The following ITGAE variants were observed in gnomAD, a reference collection of about 807,000 sequenced individuals.
The protein encoded by ITGAE is integrin subunit alpha E.
ITGAE carries 99 observed loss-of-function variants against 136.5 expected under a neutral mutation model. The ratio of observed to expected loss-of-function variants is 0.73; its 90% CI spans 0.62 to 0.86. The LOEUF (loss-of-function observed/expected upper bound fraction) is 0.86. Ranked by LOEUF, ITGAE falls within the 40% of genes least tolerant of loss-of-function variation. The pLI is 0.00. For missense variants in ITGAE, 1,447 were observed against 1,515.3 expected (o/e 0.95, Z 0.75); for synonymous variants, 613 against 591.8 (o/e 1.04, Z -0.52).
At chr17:3,730,491 C>T (rs1237648013) in intron 23 of ITGAE, 1 of 137,192 alleles carries the variant, frequency 7.3e-6, no homozygotes, top group Non-Finnish European at 1.7e-5. Flanking sequence ...CAGAGATAAG[C>T]AATTGGAGTT....
intron 15 of ITGAE, 43 bp downstream of exon 15, chr17:3,751,607 T>G: frequency 6.4e-7 from 1 of 1,560,072 alleles, no homozygotes; most frequent in Non-Finnish European, 8.8e-7. Flanking sequence ...CTGAGAGAGG[T>G]CAGAGCCCCA....
intron 26 of ITGAE, 98 bp from the exon 27 acceptor site, chr17:3,723,842 G>C (rs1338236929): frequency 1.3e-6 from 2 of 1,538,348 alleles, no homozygotes; most frequent in Admixed American, 2.1e-5. Context: ...GCATGCGCAG[G>C]GCCGGGAGCT....
At chr17:3,781,386 G>A (rs2052663918) in intron 1 of ITGAE, among the ~76,000 whole-genome samples, 1 of 150,612 alleles carries the variant, frequency 6.6e-6, no homozygotes, top group African/African-American at 2.4e-5. Flanking sequence ...GTCTCGCTGA[G>A]CCGCCCAGGC....
Position 3,798,771 on chromosome 17 carries a change from T to G in ITGAE, c.34+2340A>C, listed in dbSNP as rs2053182394. 6.6e-6 allele frequency among the ~76,000 whole-genome samples: 1 copy of G among 152,050 alleles called. No homozygotes were observed. Among genetic ancestry groups the G allele is most frequent in the Non-Finnish European group, 1.5e-5 (1 of 67,996 alleles). ...GAAACTCAACCTCTGAGACCCAGGA[T>G]GGAGAAGTGAGTTGATGTGACTGCA... On this transcript the variant is annotated intron_variant, in intron 1 of 30. Coordinates refer to ENST00000263087, the MANE Select transcript of ITGAE (RefSeq NM_002208.5). This position sits in a 1 kb window ranked among gnomAD's most constrained non-coding sequence, Gnocchi z 4.3.
At chr17:3,762,555 T>G (rs1466566071) in intron 3 of ITGAE, among the ~76,000 whole-genome samples, 3 of 151,906 alleles carry the variant, frequency 2.0e-5, no homozygotes, top group Non-Finnish European at 4.4e-5. Flanking sequence ...GGACTGAGAT[T>G]GAGTCTGTTC....
rs531997176 is a variant in ITGAE at position 3,799,497 on chromosome 17, G to A, written c.34+1614C>T. Among the ~76,000 whole-genome samples, 3 of 152,302 alleles carry A rather than the reference G, an allele frequency of 2.0e-5. No individual in the cohort carries two copies. Among genetic ancestry groups the A allele is most frequent in the East Asian group, 3.9e-4 (2 of 5,176 alleles). ...GTCTCAGAGGCTAAAGGAGACAGATGAGCCACAGGAGTATTCTGGAGCTGG... is the reference window on the plus strand; with the variant it reads ...GTCTCAGAGGCTAAAGGAGACAGATAAGCCACAGGAGTATTCTGGAGCTGG... On this transcript the variant is annotated intron_variant, in intron 1 of 30. Coordinates refer to ENST00000263087, the MANE Select transcript of ITGAE (RefSeq NM_002208.5). The surrounding 1 kb of genome is among the most constrained non-coding windows in gnomAD (Gnocchi z 4.1).
intron 16 of ITGAE, among the ~76,000 whole-genome samples, chr17:3,749,435 G>A (rs1220753789): frequency 6.6e-6 from 1 of 151,996 alleles, no homozygotes; most frequent in African/African-American, 2.4e-5. Flanking sequence ...TGTATTTTTA[G>A]TAGAGATGAG....
intron 1 of ITGAE, among the ~76,000 whole-genome samples, chr17:3,796,886 G>A (rs1038742054): frequency 6.6e-6 from 1 of 152,142 alleles, no homozygotes; most frequent in African/African-American, 2.4e-5. Context: ...GATACCAGGA[G>A]CTGAAGAAGT....
intron 29 of ITGAE, chr17:3,717,644 G>A (rs2050967981): frequency 6.6e-6 from 1 of 152,150 alleles, no homozygotes. Context: ...AAGCACCAAG[G>A]TCAGGGGTGC....
At chr17:3,795,850 T>C (rs1040134251) in intron 1 of ITGAE, among the ~76,000 whole-genome samples, 49 of 145,362 alleles carry the variant, frequency 3.4e-4, no homozygotes, top group Admixed American at 8.1e-4. Flanking sequence ...TGTGCATCTG[T>C]GTGTGTGCAT....
rs920618725 is a variant in ITGAE at position 3,798,163 on chromosome 17, C to G, written c.34+2948G>C. 1.3e-5 allele frequency among the ~76,000 whole-genome samples: 2 copies of G among 152,224 alleles called. No homozygotes were observed. The highest frequency in any genetic ancestry group is 4.8e-5 in the African/African-American group (2 of 41,452). On this transcript the variant is annotated intron_variant, in intron 1 of 30. Transcript: ENST00000263087. The surrounding 1 kb of genome is among the most constrained non-coding windows in gnomAD (Gnocchi z 4.3). The stretch of plus-strand genomic sequence containing the variant: ...CAGCTCTCCCCCACACACTGCATTC[C>G]GGGGGCATTTCACCTTTGCTTGGGC...
chr17:3,769,127 G>A (rs1371677427), intron 2 of ITGAE, among the ~76,000 whole-genome samples: 3 of 152,068 alleles, frequency 2.0e-5, no homozygotes, highest in South Asian at 2.1e-4. Context: ...GGGCTCCACC[G>A]CAGACCCCGT....
intron 2 of ITGAE, among the ~76,000 whole-genome samples, chr17:3,769,602 G>GC (rs2052373432): frequency 6.6e-6 from 1 of 152,236 alleles, no homozygotes; most frequent in Non-Finnish European, 1.5e-5. Flanking sequence ...AGCCACAGGG[G>GC]CCCTGTTACA....
At chr17:3,734,298 C>T (rs1398136866) in intron 21 of ITGAE, among the ~76,000 whole-genome samples, 1 of 152,168 alleles carries the variant, frequency 6.6e-6, no homozygotes. Flanking sequence ...TGGTCTCGAT[C>T]TCCTGACCTC....
chr17:3,736,733 C>A (rs896034334), intron 20 of ITGAE, among the ~76,000 whole-genome samples: 2 of 152,116 alleles, frequency 1.3e-5, no homozygotes, highest in Admixed American at 1.3e-4. Context: ...TTAGCAATAC[C>A]GAGAAAACTG....
At chr17:3,720,928 G>C (rs1239499229) in intron 28 of ITGAE, among the ~76,000 whole-genome samples, 1 of 151,716 alleles carries the variant, frequency 6.6e-6, no homozygotes, top group African/African-American at 2.4e-5. Context: ...GTCAGTTCTT[G>C]ACTGACTGAC....
intron 1 of ITGAE, among the ~76,000 whole-genome samples, chr17:3,796,710 G>A (rs1259547131): frequency 1.3e-5 from 2 of 151,998 alleles, no homozygotes; most frequent in African/African-American, 4.8e-5. Context: ...GGCCTGCTGA[G>A]TCAGACCGAG....
chr17:3,724,111 A>G, intron 26 of ITGAE: 3 of 1,594,754 alleles, frequency 1.9e-6, no homozygotes, highest in Non-Finnish European at 2.5e-6. Flanking sequence ...GACCCCTCGC[A>G]GTCCGACGAT....
chr17:3,729,716 TC>T lies in ITGAE; in HGVS notation c.2835-162del, dbSNP rs1303409816. ...TTCAAGCAATTCTCATGCCTCAGCCTCCTGAGTAGCTGGAATTACAGGCGTG... is the reference window on the plus strand; with the variant it reads ...TTCAAGCAATTCTCATGCCTCAGCCTCTGAGTAGCTGGAATTACAGGCGTG... On this transcript the variant is annotated intron_variant, in intron 23 of 30. Coordinates refer to ENST00000263087, the MANE Select transcript of ITGAE (RefSeq NM_002208.5). The T allele has an allele frequency of 1.8e-5, 11 of 596,660 alleles. No individual in the cohort carries two copies. In the African/African-American group the frequency reaches 2.0e-4, roughly 11 times the overall value. The allele number at this position is 596,660 out of a possible 1,614,324, so 37.0% of individuals were successfully genotyped here.
Sources: allele counts gnomAD v4.1 joint callset (sites outside exome capture counted in the v4.1 genomes callset), GRCh38; gene constraint gnomAD v4.1.1; non-coding constraint Gnocchi (gnomAD v3.1); transcripts MANE v1.5; gene names NCBI Gene and HGNC (gene_info 2026-07-23, HGNC 2026-07-21).